B3GLCT: variants seen among roughly 807,000 people sequenced by gnomAD.
B3GLCT encodes beta-1,3-glucosyltransferase.
A neutral mutation model predicts 63.4 loss-of-function variants in B3GLCT; 65 were observed. The ratio of observed to expected loss-of-function variants is 1.03; its 90% CI spans 0.84 to 1.26. The LOEUF (loss-of-function observed/expected upper bound fraction) is 1.26. B3GLCT is among the 50% of genes most tolerant of loss of function. The probability of loss-of-function intolerance (pLI) is 0.00; values close to 1 mark genes in which losing one functional copy is unlikely to be tolerated. For missense variants in B3GLCT, 577 were observed against 604.8 expected, an observed-to-expected ratio of 0.95 and a Z score of 0.48; for synonymous variants, 233 against 219.2, an observed-to-expected ratio of 1.06 and a Z score of -0.55.
At chr13:31,261,817 A>G (rs1286780325) in intron 7 of B3GLCT, among the ~76,000 whole-genome samples, 1 of 152,160 alleles carries the variant, frequency 6.6e-6, no homozygotes, top group Admixed American at 6.5e-5. Flanking sequence ...CCCATTGTAG[A>G]TATACAGGAT....
chr13:31,243,918 A>G (rs1449236796), intron 4 of B3GLCT, among the ~76,000 whole-genome samples: 1 of 152,166 alleles, frequency 6.6e-6, no homozygotes, highest in Non-Finnish European at 1.5e-5. Flanking sequence ...CTTTTCTGTC[A>G]TTTATCCATA....
chr13:31,265,037 G>A (rs184785244), intron 7 of B3GLCT, among the ~76,000 whole-genome samples: 226 of 152,252 alleles, frequency 1.5e-3, no homozygotes, highest in Middle Eastern at 6.8e-3. Flanking sequence ...AAGACAATAA[G>A]GGCTACATAT....
chr13:31,329,542 A>C lies in B3GLCT; in HGVS notation c.1371A>C (p.Gln457His). Residue 457 changes from glutamine to histidine, a missense_variant, in exon 15 of 15, where the codon CAA becomes CAC. Physicochemically the swap from Gln to His is conservative, Grantham distance 24 (BLOSUM62 0). Transcript: ENST00000343307. ...VDYPKDYLSHQVPISFHKHWN... is the reference protein window; with the variant it reads ...VDYPKDYLSHHVPISFHKHWN... ...ACCCTAAGGACTACCTTTCTCATCA[A>C]GTTCCCATATCGTTCCACAAACACT... 1 of 1,614,182 alleles carries C rather than the reference A, an allele frequency of 6.2e-7. No individual in the cohort carries two copies. Among genetic ancestry groups the C allele is most frequent in the Non-Finnish European group, 8.5e-7 (1 of 1,180,044 alleles).
chr13:31,297,587 A>G (rs1320135919), intron 12 of B3GLCT, among the ~76,000 whole-genome samples: 1 of 152,110 alleles, frequency 6.6e-6, no homozygotes, highest in Non-Finnish European at 1.5e-5. Flanking sequence ...TCAGTTCTGC[A>G]GTGGACACCA....
intron 2 of B3GLCT, among the ~76,000 whole-genome samples, chr13:31,215,622 C>G (rs907967303): frequency 6.6e-6 from 1 of 152,160 alleles, no homozygotes; most frequent in African/African-American, 2.4e-5. Context: ...TCATGTTGCC[C>G]AGGCTGATCT....
At chr13:31,268,577 G>A (rs746352925) in intron 7 of B3GLCT, among the ~76,000 whole-genome samples, 3 of 152,152 alleles carry the variant, frequency 2.0e-5, no homozygotes, top group Admixed American at 6.6e-5. Flanking sequence ...TAAAGGTTGG[G>A]TACAGGCACT....
chr13:31,202,479 G>A (rs753041317), intron 1 of B3GLCT, among the ~76,000 whole-genome samples: 15 of 152,156 alleles, frequency 9.9e-5, no homozygotes, highest in Non-Finnish European at 1.8e-4. Flanking sequence ...TACTGATCCC[G>A]TTGTAGCAGA....
chr13:31,239,584 G>T (rs1365968373), intron 4 of B3GLCT, among the ~76,000 whole-genome samples: 1 of 151,760 alleles, frequency 6.6e-6, no homozygotes, highest in Non-Finnish European at 1.5e-5. Context: ...TAAATATTTT[G>T]TTAGTTACAT....
chr13:31,212,301 G>A (rs1403917789), intron 1 of B3GLCT, among the ~76,000 whole-genome samples: 4 of 135,496 alleles, frequency 3.0e-5, no homozygotes, highest in African/African-American at 8.5e-5. Context: ...TTAAGACGGA[G>A]TCTTGCTCTG....
In B3GLCT at chr13:31,282,406, G is replaced by C. The variant is rs767402896; in HGVS notation, c.851-2242G>C. Among the ~76,000 whole-genome samples, 83 of 152,204 alleles carry C rather than the reference G, an allele frequency of 5.5e-4. 1 individual carries two copies. The highest frequency in any genetic ancestry group is 1.1e-3 in the Non-Finnish European group (76 of 67,994). On this transcript the variant is annotated intron_variant, in intron 10 of 14. Transcript: ENST00000343307. ...TGTAATCCCAGCACTTTGGGAGGCC[G>C]AGGCGGGCGGATCACGAGGTCAGGA...
intron 11 of B3GLCT, among the ~76,000 whole-genome samples, chr13:31,285,372 G>A (rs901587834): frequency 1.3e-5 from 2 of 151,984 alleles, no homozygotes; most frequent in Non-Finnish European, 2.9e-5. Context: ...GACACTCTTC[G>A]GGTGATGGCT....
intron 12 of B3GLCT, among the ~76,000 whole-genome samples, chr13:31,314,397 C>T (rs1166280040): frequency 1.3e-5 from 2 of 152,218 alleles, no homozygotes; most frequent in Non-Finnish European, 2.9e-5. Context: ...TGCCAAAGAC[C>T]ATGGGAACCC....
At chr13:31,229,811 A>AC (rs1377545379) in intron 4 of B3GLCT, among the ~76,000 whole-genome samples, 1 of 147,926 alleles carries the variant, frequency 6.8e-6, no homozygotes, top group Non-Finnish European at 1.5e-5. Context: ...CATATTCTGA[A>AC]TTTTTTTTTG....
intron 10 of B3GLCT, among the ~76,000 whole-genome samples, chr13:31,277,320 CA>C (rs988543731): frequency 1.9e-4 from 29 of 151,878 alleles, no homozygotes; most frequent in African/African-American, 6.3e-4. Flanking sequence ...TCCTGGCATG[CA>C]GATTAATGTT....
intron 12 of B3GLCT, among the ~76,000 whole-genome samples, chr13:31,313,669 C>T (rs1008124172): frequency 2.6e-5 from 4 of 152,126 alleles, no homozygotes; most frequent in African/African-American, 2.4e-5. Flanking sequence ...CCTGACTACG[C>T]GATAGGAAAG....
intron 12 of B3GLCT, among the ~76,000 whole-genome samples, chr13:31,300,728 C>T (rs1372274665): frequency 6.6e-6 from 1 of 152,062 alleles, no homozygotes; most frequent in Admixed American, 6.5e-5. Flanking sequence ...CTCAAAAGAC[C>T]AATCTTAGGT....
At chr13:31,265,462 TAC>T (rs984776552) in intron 7 of B3GLCT, among the ~76,000 whole-genome samples, 1 of 152,198 alleles carries the variant, frequency 6.6e-6, no homozygotes, top group Admixed American at 6.5e-5. Flanking sequence ...CGTAACAACT[TAC>T]AGTTACTTAG....
intron 14 of B3GLCT, 127 bp downstream of exon 14, chr13:31,324,022 G>A (rs1875478615): frequency 8.2e-7 from 1 of 1,224,186 alleles, no homozygotes; most frequent in African/African-American, 1.5e-5. Context: ...CAGGCTCCAG[G>A]GGAATGTCCT....
At chr13:31,235,524 C>T (rs762175304) in intron 4 of B3GLCT, among the ~76,000 whole-genome samples, 3 of 151,990 alleles carry the variant, frequency 2.0e-5, no homozygotes, top group Non-Finnish European at 2.9e-5. Context: ...ACTGGCCCGT[C>T]AAATTGCCAT....
Sources: allele counts gnomAD v4.1 joint callset (sites outside exome capture counted in the v4.1 genomes callset), GRCh38; gene constraint gnomAD v4.1.1; transcripts MANE v1.5; gene names NCBI Gene and HGNC (gene_info 2026-07-23, HGNC 2026-07-21).